Variants in ADORA1 observed in about 807,000 individuals in gnomAD.
The protein encoded by ADORA1 is adenosine receptor A1.
A neutral mutation model predicts 19.9 loss-of-function variants in ADORA1; 6 were observed. That is an observed-to-expected ratio of 0.30 (90% CI 0.17 to 0.59). The LOEUF (loss-of-function observed/expected upper bound fraction) is 0.59. Among genes scored for constraint, ADORA1 ranks in the 20% least tolerant of loss-of-function variants. ADORA1 has a pLI of 0.87. For missense variants in ADORA1, 302 were observed against 439.2 expected (o/e 0.69, Z 2.79); for synonymous variants, 194 against 188.4 (o/e 1.03, Z -0.24).
rs6427994 is a variant in ADORA1, at chr1:203,166,197, A to T, written c.*297A>T. On this transcript the variant is annotated 3_prime_UTR_variant, in exon 4 of 4. Transcript: ENST00000337894. ...CCTGACCATCCCATGAGCAGTCCAGAGCTTCAGGGCTGGGCAGGTCCTGGG... is the reference window on the plus strand; with the variant it reads ...CCTGACCATCCCATGAGCAGTCCAGTGCTTCAGGGCTGGGCAGGTCCTGGG... The T allele has an allele frequency of 7.3e-5, 22 of 302,742 alleles. No individual in the cohort carries two copies. Among genetic ancestry groups the T allele is most frequent in the African/African-American group, 1.7e-4 (8 of 46,516 alleles). The allele number at this position is 302,742 out of a possible 1,614,324, so 18.8% of individuals were successfully genotyped here. A position where few individuals can be genotyped will look rare whatever the true frequency, so the allele number is the denominator to read the frequency against.
At chr1:203,138,331 T>C (rs1654575649) in intron 3 of ADORA1, among the ~76,000 whole-genome samples, 2 of 152,046 alleles carry the variant, frequency 1.3e-5, no homozygotes, top group Non-Finnish European at 2.9e-5. Context: ...TGGTTGTAAA[T>C]GTGAGAGCTA....
intron 3 of ADORA1, among the ~76,000 whole-genome samples, chr1:203,143,279 G>C (rs1174731817): frequency 1.3e-5 from 2 of 152,344 alleles, no homozygotes; most frequent in East Asian, 3.9e-4. Flanking sequence ...GAACATGCCA[G>C]CTCAGATCTC....
chr1:203,138,254 C>G (rs137874995), intron 3 of ADORA1, among the ~76,000 whole-genome samples: 100 of 152,268 alleles, frequency 6.6e-4, no homozygotes, highest in Admixed American at 4.8e-3. Flanking sequence ...TTTGGCGTGT[C>G]TAACAGACAT....
chr1:203,159,577 C>T (rs1211087655), intron 3 of ADORA1, among the ~76,000 whole-genome samples: 1 of 152,194 alleles, frequency 6.6e-6, no homozygotes, highest in African/African-American at 2.4e-5. Context: ...GAGAGGCTGC[C>T]CTGCCCACTC....
At position 203,134,275 on chromosome 1, in the gene ADORA1, G is replaced by A. The variant is rs148220437; in HGVS notation, c.341+5093G>A. 2.5e-3 allele frequency among the ~76,000 whole-genome samples: 383 copies of A among 152,278 alleles called. 5 individuals carry two copies. The highest frequency in any genetic ancestry group is 8.6e-3 in the African/African-American group (359 of 41,544). ...GCAGAAGAGCTCTTTGCAGTCACCC[G>A]CCCCTCAAGGAACAGAAAAGGAAAG... On this transcript the variant is annotated intron_variant, in intron 3 of 3. Coordinates refer to ENST00000337894, the MANE Select transcript of ADORA1 (RefSeq NM_000674.3).
At chr1:203,135,657 CA>C (rs10712199) in intron 3 of ADORA1, among the ~76,000 whole-genome samples, 120,477 of 131,980 alleles carry the variant, frequency 0.91, 54,776 homozygotes, top group Admixed American at 0.93. Context: ...GACTTTGTCT[CA>C]AAAAAAAAAA....
In ADORA1 at chr1:203,165,892, G is replaced by A. The variant is rs1655536664; in HGVS notation, c.973G>A (p.Asp325Asn). 6.4e-7 allele frequency: 1 copy of A among 1,557,098 alleles called. No individual in the cohort carries two copies. Among genetic ancestry groups the A allele is most frequent in the Admixed American group, 1.8e-5 (1 of 54,486 alleles). ...CGAGGATCTCCCAGAAGAGAGGCCTGATGACTAGACCCCGCCTTCCGCTCC... is the reference window on the plus strand; with the variant it reads ...CGAGGATCTCCCAGAAGAGAGGCCTAATGACTAGACCCCGCCTTCCGCTCC... ...IDEDLPEERP[D>N]D Residue 325 changes from aspartate to asparagine, a missense_variant, in exon 4 of 4, where the codon GAT becomes AAT. Transcript: ENST00000337894. The surrounding 1 kb of genome is among the most constrained non-coding windows in gnomAD (Gnocchi z 5.9).
rs1467223082 is a variant in ADORA1, at chr1:203,133,035, T to C, written c.341+3853T>C. Among the ~76,000 whole-genome samples, 9 of 152,182 alleles carry C rather than the reference T, an allele frequency of 5.9e-5. No individual in the cohort carries two copies. In the South Asian group the frequency reaches 1.0e-3, roughly 17 times the overall value. On this transcript the variant is annotated intron_variant, in intron 3 of 3. Coordinates refer to ENST00000337894, the MANE Select transcript of ADORA1 (RefSeq NM_000674.3). Reference sequence around the variant, plus strand: ...TGAGTGTATGCTAGGAACAATGCTATGTTTTTAATATATTTTATCTCATTC... The same window carrying C: ...TGAGTGTATGCTAGGAACAATGCTACGTTTTTAATATATTTTATCTCATTC...
Position 203,143,156 on chromosome 1 carries a change from GT to G in ADORA1, c.341+13977del, listed in dbSNP as rs373775097. 8.4e-3 allele frequency among the ~76,000 whole-genome samples: 1,282 copies of G among 152,302 alleles called. 9 individuals carry two copies. Among genetic ancestry groups the G allele is most frequent in the Non-Finnish European group, 0.013 (903 of 68,006 alleles). On this transcript the variant is annotated intron_variant, in intron 3 of 3. Transcript: ENST00000337894. ...ACTGAGTGGTTTACAAAGAAAGAAAGTTTATTTGGCTCATGGTTCTGGAGGC... is the reference window on the plus strand; with the variant it reads ...ACTGAGTGGTTTACAAAGAAAGAAAGTTATTTGGCTCATGGTTCTGGAGGC...
At chr1:203,140,866 A>G (rs1654659968) in intron 3 of ADORA1, among the ~76,000 whole-genome samples, 1 of 152,162 alleles carries the variant, frequency 6.6e-6, no homozygotes. Flanking sequence ...TCCCTACCCC[A>G]GGCCTCTGCC....
intron 3 of ADORA1, among the ~76,000 whole-genome samples, chr1:203,147,657 A>G (rs1308154861): frequency 6.6e-6 from 1 of 152,174 alleles, no homozygotes; most frequent in Non-Finnish European, 1.5e-5. Flanking sequence ...AGGACCCCAG[A>G]CGATTCATAT....
intron 3 of ADORA1, among the ~76,000 whole-genome samples, chr1:203,145,980 C>T (rs1306917563): frequency 1.3e-5 from 2 of 152,164 alleles, no homozygotes; most frequent in African/African-American, 4.8e-5. Flanking sequence ...GTGTGTTCTG[C>T]CACTGCTCTG....
intron 3 of ADORA1, among the ~76,000 whole-genome samples, chr1:203,140,051 G>A (rs1654630304): frequency 6.6e-6 from 1 of 152,078 alleles, no homozygotes; most frequent in East Asian, 1.9e-4. Flanking sequence ...AATCAAATCC[G>A]GTGATATAAA....
At chr1:203,129,751 C>T (rs772091345) in intron 3 of ADORA1, 1 of 153,340 alleles carries the variant, frequency 6.5e-6, no homozygotes, top group Non-Finnish European at 1.5e-5. Flanking sequence ...CTGAACCCAA[C>T]AGTCTGATTA....
intron 3 of ADORA1, among the ~76,000 whole-genome samples, chr1:203,158,145 G>A (rs899333047): frequency 7.2e-5 from 11 of 152,124 alleles, no homozygotes; most frequent in South Asian, 2.1e-4. Context: ...TCGATGATAA[G>A]TTTCATCTTT....
rs1655576148 is a variant in ADORA1 at position 203,166,915 on chromosome 1, T to C, written c.*1015T>C. ...GTCTGTAAGGACTCAGTGTTGACTG[T>C]AGGCGCCCCTGGGGTGGGTTTAGCA... On this transcript the variant is annotated 3_prime_UTR_variant, in exon 4 of 4. Transcript: ENST00000337894. The C allele has an allele frequency of 6.6e-6, 1 of 152,556 alleles. No individual in the cohort carries two copies. The highest frequency in any genetic ancestry group is 1.5e-5 in the Non-Finnish European group (1 of 68,312). The allele number at this position is 152,556 out of a possible 1,614,324, so 9.5% of individuals were successfully genotyped here.
At chr1:203,137,202 C>T (rs1442128180) in intron 3 of ADORA1, among the ~76,000 whole-genome samples, 1 of 152,132 alleles carries the variant, frequency 6.6e-6, no homozygotes, top group Non-Finnish European at 1.5e-5. Flanking sequence ...AGGGAACACA[C>T]CATGCAGATA....
intron 3 of ADORA1, among the ~76,000 whole-genome samples, chr1:203,137,250 A>T (rs1302644434): frequency 6.6e-6 from 1 of 152,226 alleles, no homozygotes; most frequent in Non-Finnish European, 1.5e-5. Context: ...GAACTAGAAC[A>T]GAGGCCCTAG....
chr1:203,139,861 G>T (rs934101831), intron 3 of ADORA1, among the ~76,000 whole-genome samples: 1 of 152,172 alleles, frequency 6.6e-6, no homozygotes, highest in African/African-American at 2.4e-5. Flanking sequence ...AAAACCCCAC[G>T]TCGATGTCCA....
Sources: gnomAD v4.1 joint callset for allele counts (sites outside exome capture counted in the v4.1 genomes callset) on GRCh38, gnomAD v4.1.1 for gene constraint, Gnocchi (gnomAD v3.1) non-coding constraint, MANE v1.5 for transcripts, NCBI Gene and HGNC (gene_info 2026-07-23, HGNC 2026-07-21) for gene names.